Variants in OSBPL3 observed in about 807,000 individuals in gnomAD.
OSBPL3 encodes the protein oxysterol-binding protein-related protein 3.
Under a neutral mutation model 120.1 loss-of-function variants are expected in OSBPL3, and 65 were observed. The observed-to-expected ratio is 0.54, with a 90% CI of 0.44 to 0.67. The LOEUF is 0.67. Among genes scored for constraint, OSBPL3 ranks in the 30% least tolerant of loss-of-function variants. OSBPL3 has a pLI of 0.00. For missense variants in OSBPL3, 1,004 were observed against 1,082.1 expected (o/e 0.93, Z 1.01); for synonymous variants, 416 against 402.6 (o/e 1.03, Z -0.40).
chr7:24,885,715 G>A (rs1220772014), intron 2 of OSBPL3, among the ~76,000 whole-genome samples: 7 of 152,196 alleles, frequency 4.6e-5, no homozygotes, highest in Non-Finnish European at 1.0e-4. Context: ...TCCAATCAGA[G>A]TTGATTTCTT....
chr7:24,829,276 C>G (rs1584274827), intron 16 of OSBPL3, among the ~76,000 whole-genome samples: 1 of 152,312 alleles, frequency 6.6e-6, no homozygotes, highest in East Asian at 1.9e-4. Flanking sequence ...CAGATGAATT[C>G]TGAATCACAC....
chr7:24,828,585 C>T (rs142851885), intron 16 of OSBPL3, among the ~76,000 whole-genome samples: 2,831 of 119,260 alleles, frequency 0.024, 118 homozygotes, highest in African/African-American at 0.082. Context: ...CCAGCCTGGG[C>T]GACAAAGTGA....
rs1802952308 is a variant in OSBPL3 at position 24,877,032 on chromosome 7, A to C, written c.97-4963T>G. Among the ~76,000 whole-genome samples the C allele has an allele frequency of 6.6e-6, 1 of 152,152 alleles. No individual in the cohort carries two copies. The highest frequency in any genetic ancestry group is 6.6e-5 in the Admixed American group (1 of 15,260). ...TATTCTTTATTTTTTTGCATGTGGA[A>C]ACTGAGGAAGAGAGAATTAGATAAC... is the stretch of plus-strand genomic sequence containing the variant. On this transcript the variant is annotated intron_variant, in intron 2 of 22. Coordinates refer to ENST00000313367, the MANE Select transcript of OSBPL3 (RefSeq NM_015550.4). The surrounding 1 kb of genome is among the most constrained non-coding windows in gnomAD (Gnocchi z 4.8).
rs1332109220 is a variant in OSBPL3 at position 24,967,451 on chromosome 7, T to C, written c.-150+12435A>G. Among the ~76,000 whole-genome samples, 1 of 152,186 alleles carries C rather than the reference T, an allele frequency of 6.6e-6. No homozygotes were observed. The highest frequency in any genetic ancestry group is 6.5e-5 in the Admixed American group (1 of 15,280). ...TCAAGGTCCTGCTCTATTAACACCC[T>C]TCCCATGAGATCTCTCCTGGTTTAT... On this transcript the variant is annotated intron_variant, in intron 1 of 22. Transcript: ENST00000313367. This position sits in a 1 kb window ranked among gnomAD's most constrained non-coding sequence, Gnocchi z 5.6.
chr7:24,830,375 A>T lies in OSBPL3; in HGVS notation c.1884+393T>A, dbSNP rs1796219828. ...CTCAAATCAAAATTGAGAATAACGC[A>T]TTTATCTGGCGCTACCCACTCTGCT... On this transcript the variant is annotated intron_variant, in intron 16 of 22. Transcript: ENST00000313367. This position sits in a 1 kb window ranked among gnomAD's most constrained non-coding sequence, Gnocchi z 4.4. Among the ~76,000 whole-genome samples, 1 of 152,192 alleles carries T rather than the reference A, an allele frequency of 6.6e-6. No homozygotes were observed. Among genetic ancestry groups the T allele is most frequent in the African/African-American group, 2.4e-5 (1 of 41,432 alleles).
chr7:24,823,075 T>C (rs896026369), intron 16 of OSBPL3, among the ~76,000 whole-genome samples: 2 of 152,204 alleles, frequency 1.3e-5, no homozygotes, highest in South Asian at 4.1e-4. Context: ...GCATCTGCCA[T>C]GTGCTGCACT....
chr7:24,814,943 G>C (rs1362824141), intron 19 of OSBPL3, 116 bp downstream of exon 19: 5 of 935,472 alleles, frequency 5.3e-6, no homozygotes, highest in Non-Finnish European at 6.6e-6. Flanking sequence ...CTCAGGCATT[G>C]CTTGCCTGCT....
chr7:24,935,114 ATAATAACC>A (rs1186163333), intron 1 of OSBPL3, among the ~76,000 whole-genome samples: 3 of 152,330 alleles, frequency 2.0e-5, no homozygotes, highest in East Asian at 3.9e-4. Flanking sequence ...GTACAACTAC[ATAATAACC>A]TATAAGACAT....
chr7:24,924,488 A>AG (rs1258056656), intron 1 of OSBPL3, among the ~76,000 whole-genome samples: 1 of 152,240 alleles, frequency 6.6e-6, no homozygotes, highest in Non-Finnish European at 1.5e-5. Flanking sequence ...TATGATACCC[A>AG]GTACGGATTC....
rs550192933 is a variant in OSBPL3 at position 24,937,873 on chromosome 7, G to A, written c.-150+42013C>T. ...GTGTAGAAACGATATTCTTGTTCTG[G>A]TTTTATATTATGCTTCCAGAATCGA... On this transcript the variant is annotated intron_variant, in intron 1 of 22. Transcript: ENST00000313367. The surrounding 1 kb of genome is among the most constrained non-coding windows in gnomAD (Gnocchi z 4.0). Among the ~76,000 whole-genome samples the A allele has an allele frequency of 8.5e-5, 13 of 152,228 alleles. No individual in the cohort carries two copies. The highest frequency in any genetic ancestry group is 2.6e-4 in the African/African-American group (11 of 41,544).
rs1481199066 is a variant in OSBPL3 at position 24,815,695 on chromosome 7, T to TA, written c.2028-493dup. On this transcript the variant is annotated intron_variant, in intron 18 of 22. Coordinates refer to ENST00000313367, the MANE Select transcript of OSBPL3 (RefSeq NM_015550.4). This position sits in a 1 kb window ranked among gnomAD's most constrained non-coding sequence, Gnocchi z 5.1. The stretch of plus-strand genomic sequence containing the variant: ...GGTATTAATAATAAGACCAGATACT[T>TA]ACAAAACATATGCAATGTGCTAAGT... 7.2e-5 allele frequency among the ~76,000 whole-genome samples: 11 copies of TA among 152,264 alleles called. No individual in the cohort carries two copies. The highest frequency in any genetic ancestry group is 2.4e-4 in the African/African-American group (10 of 41,480).
chr7:24,873,151 G>A lies in OSBPL3; in HGVS notation c.97-1082C>T, dbSNP rs1318798111. ...TTTCACCTGGACTAACTTGCTTTGA[G>A]TCAAATCTCCAGCCCACAGGCAGGT... On this transcript the variant is annotated intron_variant, in intron 2 of 22. Transcript: ENST00000313367. This position sits in a 1 kb window ranked among gnomAD's most constrained non-coding sequence, Gnocchi z 4.1. 6.6e-6 allele frequency among the ~76,000 whole-genome samples: 1 copy of A among 152,212 alleles called. No individual in the cohort carries two copies. Among genetic ancestry groups the A allele is most frequent in the East Asian group, 1.9e-4 (1 of 5,204 alleles).
Position 24,964,086 on chromosome 7 carries a change from A to G in OSBPL3, c.-150+15800T>C, listed in dbSNP as rs1260887219. 6.6e-6 allele frequency among the ~76,000 whole-genome samples: 1 copy of G among 152,138 alleles called. No homozygotes were observed. Among genetic ancestry groups the G allele is most frequent in the Non-Finnish European group, 1.5e-5 (1 of 68,008 alleles). ...TTATAATCCAAAGTATATAATAAAT[A>G]TCAATGGATCCACACTGATTAAAAA... On this transcript the variant is annotated intron_variant, in intron 1 of 22. Coordinates refer to ENST00000313367, the MANE Select transcript of OSBPL3 (RefSeq NM_015550.4). This position sits in a 1 kb window ranked among gnomAD's most constrained non-coding sequence, Gnocchi z 4.2.
At position 24,922,805 on chromosome 7, in the gene OSBPL3, C is replaced by T. The variant is rs1230437320; in HGVS notation, c.-149-30184G>A. Among the ~76,000 whole-genome samples the T allele has an allele frequency of 6.6e-6, 1 of 152,094 alleles. No individual in the cohort carries two copies. Among genetic ancestry groups the T allele is most frequent in the Admixed American group, 6.6e-5 (1 of 15,264 alleles). On this transcript the variant is annotated intron_variant, in intron 1 of 22. Transcript: ENST00000313367. The surrounding 1 kb of genome is among the most constrained non-coding windows in gnomAD (Gnocchi z 4.3). ...CTCTGTCCAACCCTGTCCCTGCTGC[C>T]CTCACCCTCTTGGTGAAAGTGACAG...
intron 1 of OSBPL3, among the ~76,000 whole-genome samples, chr7:24,977,228 A>G (rs1584780195): frequency 6.6e-6 from 1 of 152,210 alleles, no homozygotes; most frequent in African/African-American, 2.4e-5. Context: ...TTCTGTATTA[A>G]AAGTCCCCAG....
In OSBPL3 at chr7:24,803,198, A is replaced by C. The variant is rs1472551837; in HGVS notation, c.2567+1117T>G. Among the ~76,000 whole-genome samples, 2 of 152,244 alleles carry C rather than the reference A, an allele frequency of 1.3e-5. No homozygotes were observed. Among genetic ancestry groups the C allele is most frequent in the African/African-American group, 4.8e-5 (2 of 41,468 alleles). On this transcript the variant is annotated intron_variant, in intron 22 of 22. Coordinates refer to ENST00000313367, the MANE Select transcript of OSBPL3 (RefSeq NM_015550.4). The surrounding 1 kb of genome is among the most constrained non-coding windows in gnomAD (Gnocchi z 4.2). ...CAAAAACACAAACAAAAAACATCCC[A>C]AAACAATGAAAAGACACTGGTGGCC... is the stretch of plus-strand genomic sequence containing the variant.
intron 12 of OSBPL3, among the ~76,000 whole-genome samples, chr7:24,846,786 C>T (rs1305057812): frequency 6.6e-6 from 1 of 152,098 alleles, no homozygotes; most frequent in Non-Finnish European, 1.5e-5. Context: ...GTAACGAGGC[C>T]GGGCGCAGTG....
chr7:24,825,745 T>C (rs897930487), intron 16 of OSBPL3, among the ~76,000 whole-genome samples: 2 of 152,154 alleles, frequency 1.3e-5, no homozygotes, highest in African/African-American at 4.8e-5. Flanking sequence ...GTGTGGCAAG[T>C]ATAAGCCTGT....
rs186041245 is a variant in OSBPL3 at position 24,876,824 on chromosome 7, C to G, written c.97-4755G>C. On this transcript the variant is annotated intron_variant, in intron 2 of 22. Transcript: ENST00000313367. ...CTTTCTAGCTCTATGAAAGCAGGAA[C>G]CTTTTCTGTCTTGTTCACTACTTAA... 1.6e-4 allele frequency among the ~76,000 whole-genome samples: 25 copies of G among 152,190 alleles called. No homozygotes were observed. In the East Asian group the frequency reaches 3.9e-3, roughly 23 times the overall value.
Sources: gnomAD v4.1 joint callset for allele counts (sites outside exome capture counted in the v4.1 genomes callset) on GRCh38, gnomAD v4.1.1 for gene constraint, Gnocchi (gnomAD v3.1) non-coding constraint, MANE v1.5 for transcripts, NCBI Gene and HGNC (gene_info 2026-07-23, HGNC 2026-07-21) for gene names.